ARAP2: variants seen among roughly 807,000 people sequenced by gnomAD.
The protein encoded by ARAP2 is ArfGAP with RhoGAP domain, ankyrin repeat and PH domain 2, also known as arf-GAP with Rho-GAP domain, ANK repeat and PH domain-containing protein 2.
A neutral mutation model predicts 194.5 loss-of-function variants in ARAP2; 148 were observed. The ratio of observed to expected loss-of-function variants is 0.76; its 90% confidence interval spans 0.67 to 0.87. The LOEUF is 0.87. ARAP2 is among the 40% of genes least tolerant of loss of function. ARAP2 has a pLI of 0.00. For missense variants in ARAP2, 2,128 were observed against 1,989.7 expected (o/e 1.07, Z -1.32); for synonymous variants, 695 against 683.5 (o/e 1.02, Z -0.26).
intron 8 of ARAP2, among the ~76,000 whole-genome samples, chr4:36,014,043 A>T (rs1577529647): frequency 6.6e-6 from 1 of 151,802 alleles, no homozygotes; most frequent in Admixed American, 6.6e-5. Flanking sequence ...CCTGGGCAAC[A>T]TGGTGAAACC....
At chr4:36,056,366 A>G (rs1723514151) in intron 2 of ARAP2, among the ~76,000 whole-genome samples, 1 of 152,178 alleles carries the variant, frequency 6.6e-6, no homozygotes, top group South Asian at 2.1e-4. Flanking sequence ...TAAAGAGTTT[A>G]TTTATTTAAC....
chr4:36,014,224 C>CGAAAGAAAGAAAGAAAGAAA (rs1187551419), intron 8 of ARAP2, among the ~76,000 whole-genome samples: 54 of 61,698 alleles, frequency 8.8e-4, no homozygotes, highest in East Asian at 2.6e-3. Context: ...GAGACCCTAT[C>CGAAAGAAAGAAAGAAAGAAA]GAAAGAAAGA....
chr4:36,076,965 G>C (rs185893262), intron 31 of ARAP2, among the ~76,000 whole-genome samples: 2 of 152,196 alleles, frequency 1.3e-5, no homozygotes, highest in East Asian at 3.9e-4. Flanking sequence ...ATTGACACAG[G>C]AGTTAAGAAG....
intron 6 of ARAP2, 140 bp downstream of exon 6, chr4:36,210,249 GA>G: frequency 4.3e-6 from 3 of 702,138 alleles, no homozygotes; most frequent in Non-Finnish European, 6.9e-6. Context: ...AAAGTGTGCT[GA>G]AAGTCCCTAA....
intron 8 of ARAP2, among the ~76,000 whole-genome samples, chr4:36,014,053 C>T (rs184431967): frequency 2.2e-4 from 33 of 151,682 alleles, no homozygotes; most frequent in African/African-American, 8.0e-4. Context: ...ATGGTGAAAC[C>T]CCATCTCCAC....
chr4:36,224,644 T>C (rs1749885001), intron 2 of ARAP2, among the ~76,000 whole-genome samples: 1 of 152,170 alleles, frequency 6.6e-6, no homozygotes, highest in Admixed American at 6.5e-5. Context: ...ACTTTTTAAC[T>C]TAGATTATTG....
At chr4:36,117,356 G>C (rs1048738267) in intron 24 of ARAP2, among the ~76,000 whole-genome samples, 21 of 151,608 alleles carry the variant, frequency 1.4e-4, no homozygotes, top group African/African-American at 4.8e-4. Context: ...CAACCACAAT[G>C]ATTTTCTTTT....
chr4:36,187,430 T>C (rs200710757), intron 8 of ARAP2, 21 bp downstream of exon 8: 52 of 1,310,262 alleles, frequency 4.0e-5, no homozygotes, highest in African/African-American at 9.0e-5. Context: ...GTATTTCATA[T>C]GGATAAATAA....
At chr4:36,195,762 G>A (rs527346320) in intron 6 of ARAP2, among the ~76,000 whole-genome samples, 1 of 152,282 alleles carries the variant, frequency 6.6e-6, no homozygotes, top group African/African-American at 2.4e-5. Flanking sequence ...GGATAACAAA[G>A]TTATTCTCTC....
chr4:36,009,927 T>A (rs974619045), intron 9 of ARAP2, among the ~76,000 whole-genome samples: 1 of 151,886 alleles, frequency 6.6e-6, no homozygotes, highest in African/African-American at 2.4e-5. Context: ...TTTCTAAATG[T>A]TCAAGGTTAT....
chr4:36,071,931 A>G (rs1042624056), intron 32 of ARAP2, among the ~76,000 whole-genome samples: 5 of 150,982 alleles, frequency 3.3e-5, no homozygotes, highest in Non-Finnish European at 7.4e-5. Context: ...ATTCCCACCT[A>G]TGAGTGAGAA....
intron 27 of ARAP2, among the ~76,000 whole-genome samples, chr4:36,107,035 C>T (rs1718602010): frequency 6.6e-6 from 1 of 151,862 alleles, no homozygotes; most frequent in African/African-American, 2.4e-5. Flanking sequence ...GTTCACTGTG[C>T]TAGCTAACTT....
intron 25 of ARAP2, among the ~76,000 whole-genome samples, chr4:36,114,893 A>G (rs1720965872): frequency 6.6e-6 from 1 of 152,012 alleles, no homozygotes; most frequent in Non-Finnish European, 1.5e-5. Context: ...GTATAAGCAC[A>G]TCACCTCTTC....
intron 32 of ARAP2, among the ~76,000 whole-genome samples, chr4:36,072,638 T>C (rs1727267963): frequency 6.8e-6 from 1 of 146,300 alleles, no homozygotes; most frequent in Admixed American, 7.0e-5. Flanking sequence ...TAAGGAACTC[T>C]GCAGAGCGGT....
intron 1 of ARAP2, among the ~76,000 whole-genome samples, chr4:36,241,420 A>G (rs559677192): frequency 6.6e-6 from 1 of 152,266 alleles, no homozygotes; most frequent in East Asian, 1.9e-4. Context: ...TATTCATTCA[A>G]TATATATTAA....
intron 22 of ARAP2, among the ~76,000 whole-genome samples, chr4:36,122,607 G>C (rs2109550637): frequency 6.6e-6 from 1 of 151,838 alleles, no homozygotes; most frequent in East Asian, 1.9e-4. Context: ...CTAATGGAGG[G>C]TGAAGAGTGG....
chr4:36,135,035 T>C (rs1465454976), intron 19 of ARAP2, among the ~76,000 whole-genome samples: 1 of 151,784 alleles, frequency 6.6e-6, no homozygotes, highest in Non-Finnish European at 1.5e-5. Context: ...ATTAGCATAG[T>C]GTCTGGCATT....
At chr4:36,087,087 G>A (rs1287898071) in intron 28 of ARAP2, among the ~76,000 whole-genome samples, 3 of 151,744 alleles carry the variant, frequency 2.0e-5, no homozygotes, top group South Asian at 4.2e-4. Context: ...TATATTAATG[G>A]CAACCACTAA....
Position 36,150,912 on chromosome 4 carries a change from T to C in ARAP2, c.2885A>G (p.Tyr962Cys). Residue 962 changes from tyrosine (Y) to cysteine (C), a missense_variant, in exon 16 of 33, where the codon TAT becomes TGT. Transcript: ENST00000303965. ...ICLAIHKEDF[Y>C]LNTGPIFIFE... ...ATGACAGACCTACCCAGTATTTAAA[T>C]AGAAGTCCTCTTTGTGTATAGCCAG... The C allele has an allele frequency of 2.5e-6, 4 of 1,612,464 alleles. No individual in the cohort carries two copies. The South Asian group carries it at 3.3e-5, about 13-fold the overall frequency.
Sources: gnomAD v4.1 joint callset for allele counts (sites outside exome capture counted in the v4.1 genomes callset) on GRCh38, gnomAD v4.1.1 for gene constraint, MANE v1.5 for transcripts, NCBI Gene and HGNC (gene_info 2026-07-23, HGNC 2026-07-21) for gene names.